The following KLK5 variants were observed in gnomAD, a reference collection of about 807,000 sequenced individuals.
The protein encoded by KLK5 is kallikrein related peptidase 5, also known as kallikrein-5.
Under a neutral mutation model 24.0 loss-of-function variants are expected in KLK5, and 18 were observed. The observed-to-expected ratio is 0.75, with a 90% CI of 0.52 to 1.11. The LOEUF is 1.11. Among genes scored for constraint, KLK5 ranks in the 50% most tolerant of loss-of-function variants. KLK5 has a pLI of 0.00. For missense variants in KLK5, 374 were observed against 379.2 expected, an observed-to-expected ratio of 0.99 and a Z score of 0.11; for synonymous variants, 140 against 154.0, an observed-to-expected ratio of 0.91 and a Z score of 0.67.
Position 50,952,768 on chromosome 19 carries a change from G to T in KLK5, c.-33C>A. 1.4e-6 allele frequency: 1 copy of T among 691,646 alleles called. No individual in the cohort carries two copies. Among genetic ancestry groups the T allele is most frequent in the Non-Finnish European group, 2.3e-6 (1 of 432,490 alleles). 42.8% of individuals were successfully genotyped at this position (691,646 alleles called of 1,614,324 possible). ...CTACCTTATTTCCCCAGGTAGAGAG[G>T]AACCACAAGGACGGGCCACCATCGG... is the stretch of plus-strand genomic sequence containing the variant. On this transcript the variant is annotated 5_prime_UTR_variant, in exon 1 of 6. Transcript: ENST00000336334.
intron 2 of KLK5, among the ~76,000 whole-genome samples, chr19:50,951,552 G>A (rs1236048241): frequency 1.3e-5 from 2 of 152,140 alleles, no homozygotes; most frequent in African/African-American, 2.4e-5. Context: ...GATTACAGGC[G>A]TGAGCCACCG....
chr19:50,945,883 C>A (rs949168673), intron 5 of KLK5, among the ~76,000 whole-genome samples: 1 of 152,098 alleles, frequency 6.6e-6, no homozygotes, highest in African/African-American at 2.4e-5. Flanking sequence ...AAAATAAAAA[C>A]AATTAGTATT....
At chr19:50,949,194 C>A in intron 3 of KLK5, 79 bp from the exon 4 acceptor site, 1 of 1,431,384 alleles carries the variant, frequency 7.0e-7, no homozygotes, top group Non-Finnish European at 9.4e-7. Flanking sequence ...CCACACCCAG[C>A]CCCAGCCCCA....
At chr19:50,950,843 G>A (rs539494534) in intron 2 of KLK5, among the ~76,000 whole-genome samples, 8 of 133,656 alleles carry the variant, frequency 6.0e-5, no homozygotes, top group African/African-American at 2.0e-4. Context: ...AGTGAGCCGA[G>A]ATCACGCCAC....
chr19:50,948,571 T>C (rs986487706), intron 5 of KLK5, 69 bp downstream of exon 5: 197 of 1,533,274 alleles, frequency 1.3e-4, no homozygotes, highest in Middle Eastern at 8.6e-4. Flanking sequence ...TTCTCAGAAT[T>C]TGGCAACGCT....
intron 5 of KLK5, among the ~76,000 whole-genome samples, chr19:50,944,435 A>G (rs1219786377): frequency 6.6e-6 from 1 of 151,688 alleles, no homozygotes; most frequent in Non-Finnish European, 1.5e-5. Flanking sequence ...CTTCGTCTCT[A>G]CTTTCTGTTC....
At chr19:50,949,450 T>C (rs1654540) in intron 3 of KLK5, among the ~76,000 whole-genome samples, 71,878 of 150,648 alleles carry the variant, frequency 0.48, 18,118 homozygotes, top group East Asian at 0.73. Context: ...ATCTCCATGC[T>C]ATCTTCATTT....
Position 50,950,132 on chromosome 19 carries a change from G to A in KLK5, c.74-16C>T. 1 of 1,605,520 alleles carries A rather than the reference G, an allele frequency of 6.2e-7. No individual in the cohort carries two copies. The highest frequency in any genetic ancestry group is 8.5e-7 in the Non-Finnish European group (1 of 1,177,228). ...AGAACATGCTCTGGGAACGGAAAAT[G>A]GGTTGGGCGGGGCTCAGAGGCGGGG... is the stretch of plus-strand genomic sequence containing the variant. On this transcript the variant is annotated splice_polypyrimidine_tract_variant and intron_variant, in intron 2 of 5. Transcript: ENST00000336334.
At chr19:50,944,282 A>C (rs780379184) in intron 5 of KLK5, among the ~76,000 whole-genome samples, 1 of 152,106 alleles carries the variant, frequency 6.6e-6, no homozygotes, top group Non-Finnish European at 1.5e-5. Flanking sequence ...TTGGGATTAC[A>C]GGCGTGAGCC....
At chr19:50,945,268 C>T (rs1284446895) in intron 5 of KLK5, among the ~76,000 whole-genome samples, 2 of 84,872 alleles carry the variant, frequency 2.4e-5, no homozygotes, top group Non-Finnish European at 4.2e-5. Context: ...GCCACCACAC[C>T]CGGCTAATTT....
chr19:50,949,433 C>T (rs996281933), intron 3 of KLK5, among the ~76,000 whole-genome samples: 3 of 151,730 alleles, frequency 2.0e-5, no homozygotes, highest in African/African-American at 7.3e-5. Context: ...CTCCCAATCT[C>T]AACCCTATCT....
intron 3 of KLK5, among the ~76,000 whole-genome samples, chr19:50,949,586 T>C (rs1221572935): frequency 6.6e-6 from 1 of 151,298 alleles, no homozygotes; most frequent in African/African-American, 2.4e-5. Context: ...CTCCTTCCCA[T>C]TCCCTACCAC....
chr19:50,948,704 T>C lies in KLK5; in HGVS notation c.662A>G (p.Tyr221Cys). 6.2e-7 allele frequency: 1 copy of C among 1,614,160 alleles called. No individual in the cohort carries two copies. The highest frequency in any genetic ancestry group is 1.6e-4 in the Middle Eastern group (1 of 6,062). ...CATGGTGTCATCTATCTGTCTCGGG[T>C]AAGCATCCTCGCACCTTTTCTGACT... Reference protein sequence around the residue: ...VLSQKRCEDAYPRQIDDTMFC... With the variant: ...VLSQKRCEDACPRQIDDTMFC... Residue 221 changes from tyrosine (Y) to cysteine (C), a missense_variant, in exon 5 of 6, where the codon TAC (tyrosine) becomes TGC (cysteine). By Grantham distance (194) the Tyr-to-Cys change is radical. Coordinates refer to ENST00000336334, the MANE Select transcript of KLK5 (RefSeq NM_012427.5).
At chr19:50,944,902 C>T (rs1410683611) in intron 5 of KLK5, among the ~76,000 whole-genome samples, 1 of 152,156 alleles carries the variant, frequency 6.6e-6, no homozygotes, top group African/African-American at 2.4e-5. Flanking sequence ...TATAATAATA[C>T]TCACTGCTCT....
chr19:50,950,325 T>C, intron 2 of KLK5: 1 of 595,234 alleles, frequency 1.7e-6, no homozygotes, highest in East Asian at 2.8e-5. Flanking sequence ...TACTGGACTC[T>C]AACTGGACCT....
chr19:50,948,642 G>T lies in KLK5; in HGVS notation c.724C>A (p.Gln242Lys). 6.2e-7 allele frequency: 1 copy of T among 1,614,044 alleles called. No individual in the cohort carries two copies. The highest frequency in any genetic ancestry group is 8.5e-7 in the Non-Finnish European group (1 of 1,179,954). Residue 242 changes from glutamine to lysine, a missense_variant and splice_region_variant, in exon 5 of 6, where the codon CAG becomes AAG. Physicochemically the swap from Gln to Lys is moderately conservative, Grantham distance 53 (BLOSUM62 1). Transcript: ENST00000336334. ...AGDKAGRDSC[Q>K]GDSGGPVVCN... ...TGAATAAAGAGAGGTGTCCTCACCT[G>T]GCAGGAGTCTCTACCTGCTTTGTCA... is the stretch of plus-strand genomic sequence containing the variant.
chr19:50,951,816 C>T (rs999112965), intron 2 of KLK5, among the ~76,000 whole-genome samples: 2 of 152,182 alleles, frequency 1.3e-5, no homozygotes, highest in African/African-American at 4.8e-5. Context: ...CGTGTGTGCA[C>T]AGATGTTCAG....
chr19:50,944,626 C>T (rs527318058), intron 5 of KLK5, among the ~76,000 whole-genome samples: 8 of 152,316 alleles, frequency 5.3e-5, no homozygotes, highest in South Asian at 4.1e-4. Context: ...GAGGGTTCCT[C>T]GATCTGGGCA....
Position 50,948,700 on chromosome 19 carries a change from CG to C in KLK5, c.665del (p.Pro222ArgfsTer4). 6.2e-7 allele frequency: 1 copy of C among 1,614,162 alleles called. No individual in the cohort carries two copies. The highest frequency in any genetic ancestry group is 8.5e-7 in the Non-Finnish European group (1 of 1,180,030). The part of the protein sequence containing the change: ...LSQKRCEDAY[P>X]RQIDDTMFCA... The stretch of plus-strand genomic sequence containing the variant: ...AGAACATGGTGTCATCTATCTGTCT[CG>C]GGTAAGCATCCTCGCACCTTTTCTG... On this transcript the variant is annotated frameshift_variant, in exon 5 of 6. Transcript: ENST00000336334. LOFTEE classifies it high-confidence loss of function.
Sources: gnomAD v4.1 joint callset for allele counts (sites outside exome capture counted in the v4.1 genomes callset) on GRCh38, gnomAD v4.1.1 for gene constraint, MANE v1.5 for transcripts, NCBI Gene and HGNC (gene_info 2026-07-23, HGNC 2026-07-21) for gene names.